Variants in ERO1A observed in about 807,000 individuals in gnomAD.
The protein encoded by ERO1A is endoplasmic reticulum oxidoreductase 1 alpha, also known as ERO1-like protein alpha.
Under a neutral mutation model 76.9 loss-of-function variants are expected in ERO1A, and 49 were observed. That is an observed-to-expected ratio of 0.64 (90% CI 0.51 to 0.81). The LOEUF is 0.81. ERO1A is among the 30% of genes least tolerant of loss of function. ERO1A has a pLI of 0.00. For missense variants in ERO1A, 448 were observed against 542.1 expected (o/e 0.83, Z 1.72); for synonymous variants, 174 against 181.2 (o/e 0.96, Z 0.32).
chr14:52,665,720 T>C (rs2040390936), intron 7 of ERO1A, among the ~76,000 whole-genome samples: 2 of 152,292 alleles, frequency 1.3e-5, no homozygotes, highest in African/African-American at 4.8e-5. Context: ...GATCAGCAAC[T>C]GCCTCCAGCC....
At chr14:52,663,661 G>T in intron 8 of ERO1A, 140 bp downstream of exon 8, 1 of 524,456 alleles carries the variant, frequency 1.9e-6, no homozygotes, top group Non-Finnish European at 3.5e-6. Context: ...ATCTCTGCAA[G>T]CGTGAGGCAT....
chr14:52,660,513 C>G (rs1429524616), intron 9 of ERO1A, among the ~76,000 whole-genome samples: 1 of 152,162 alleles, frequency 6.6e-6, no homozygotes, highest in African/African-American at 2.4e-5. Context: ...ATTTCTCTTC[C>G]AAACAGTTCT....
chr14:52,677,825 T>C (rs1259510177), intron 4 of ERO1A, among the ~76,000 whole-genome samples: 9 of 131,870 alleles, frequency 6.8e-5, no homozygotes, highest in Non-Finnish European at 1.1e-4. Flanking sequence ...ATCATGCCAC[T>C]GCACTCCAGC....
chr14:52,676,651 G>T (rs1486329887), intron 4 of ERO1A, among the ~76,000 whole-genome samples: 1 of 152,248 alleles, frequency 6.6e-6, no homozygotes, highest in South Asian at 2.1e-4. Context: ...AGAAGGATAC[G>T]TTCTTGTTGG....
chr14:52,639,918 A>T lies in ERO1A; in HGVS notation c.*3652T>A, dbSNP rs1401475135. 1 of 152,176 alleles carries T rather than the reference A, an allele frequency of 6.6e-6. No homozygotes were observed. Among genetic ancestry groups the T allele is most frequent in the Non-Finnish European group, 1.5e-5 (1 of 68,040 alleles). 9.4% of individuals were successfully genotyped at this position (152,176 alleles called of 1,614,324 possible). On this transcript the variant is annotated 3_prime_UTR_variant, in exon 16 of 16. Coordinates refer to ENST00000395686, the MANE Select transcript of ERO1A (RefSeq NM_014584.3). ...CCACCAAAAACCACACCAAATCTTG[A>T]ATACAATTTCAGCTTTATTGACCCC...
In ERO1A at chr14:52,695,472, C is replaced by G; in HGVS notation, c.10G>C (p.Gly4Arg). Residue 4 changes from glycine to arginine, a missense_variant, in exon 1 of 16, where the codon GGC (glycine) becomes CGC (arginine). Around this residue, in one of 2 missense-constraint regions of ERO1A, gnomAD observed 146 missense variants for 130.2 expected, o/e 1.12. Coordinates refer to ENST00000395686, the MANE Select transcript of ERO1A (RefSeq NM_014584.3). Reference protein sequence around the residue: MGRGWGFLFGLLGA... With the variant: MGRRWGFLFGLLGA... ...AGGAGGCCAAACAAGAATCCCCAGC[C>G]GCGGCCCATTGCAGCTCCGGCAGCT... The G allele has an allele frequency of 2.0e-6, 3 of 1,525,974 alleles. No homozygotes were observed. Among genetic ancestry groups the G allele is most frequent in the Non-Finnish European group, 2.6e-6 (3 of 1,134,840 alleles). The allele number at this position is 1,525,974 out of a possible 1,614,324, so 94.5% of individuals were successfully genotyped here. A position where few individuals can be genotyped will look rare whatever the true frequency, so the allele number is the denominator to read the frequency against.
rs1002141369 is a variant in ERO1A at position 52,643,033 on chromosome 14, T to C, written c.*537A>G. On this transcript the variant is annotated 3_prime_UTR_variant, in exon 16 of 16. Coordinates refer to ENST00000395686, the MANE Select transcript of ERO1A (RefSeq NM_014584.3). ...AACAAATAATTTTTTAGTATAAGTATTTTCCAAATATTCCATGTAAAATAT... is the reference window on the plus strand; with the variant it reads ...AACAAATAATTTTTTAGTATAAGTACTTTCCAAATATTCCATGTAAAATAT... 6.6e-6 allele frequency: 1 copy of C among 152,398 alleles called. No individual in the cohort carries two copies. The highest frequency in any genetic ancestry group is 2.4e-5 in the African/African-American group (1 of 41,458). 9.4% of individuals were successfully genotyped at this position (152,398 alleles called of 1,614,324 possible). A position where few individuals can be genotyped will look rare whatever the true frequency, so the allele number is the denominator to read the frequency against.
chr14:52,657,068 G>T (rs1372161729), intron 11 of ERO1A, among the ~76,000 whole-genome samples: 1 of 152,210 alleles, frequency 6.6e-6, no homozygotes, highest in Non-Finnish European at 1.5e-5. Flanking sequence ...CCACCAGGGT[G>T]CCATGTCAGT....
At chr14:52,648,092 TATTA>T (rs1303116104) in intron 13 of ERO1A, among the ~76,000 whole-genome samples, 6 of 152,208 alleles carry the variant, frequency 3.9e-5, no homozygotes, top group African/African-American at 7.2e-5. Flanking sequence ...GTAATATCTT[TATTA>T]ATTAAGACAA....
At chr14:52,652,191 AT>A in intron 13 of ERO1A, 47 bp downstream of exon 13, 1 of 1,136,372 alleles carries the variant, frequency 8.8e-7, no homozygotes, top group African/African-American at 1.5e-5. Context: ...TCATATCTGC[AT>A]AAGTGTTAAT....
intron 6 of ERO1A, among the ~76,000 whole-genome samples, chr14:52,670,926 GA>G (rs1179679929): frequency 2.0e-5 from 3 of 152,078 alleles, no homozygotes; most frequent in African/African-American, 4.8e-5. Flanking sequence ...ACAGTGTTGT[GA>G]AACCATCACC....
intron 9 of ERO1A, 52 bp downstream of exon 9, chr14:52,661,241 T>A (rs544682246): frequency 1.4e-6 from 1 of 718,374 alleles, no homozygotes; most frequent in South Asian, 3.2e-5. Context: ...ATAATAAACA[T>A]CTGAATGTAT....
intron 13 of ERO1A, among the ~76,000 whole-genome samples, chr14:52,647,611 A>G (rs2039716130): frequency 6.6e-6 from 1 of 152,040 alleles, no homozygotes; most frequent in Admixed American, 6.6e-5. Context: ...ATATTATATC[A>G]TTTATAATAG....
chr14:52,646,322 A>T (rs774192402), intron 14 of ERO1A, 35 bp from the exon 15 acceptor site: 32 of 1,599,978 alleles, frequency 2.0e-5, no homozygotes, highest in Non-Finnish European at 2.7e-5. Flanking sequence ...AAAAATTAGA[A>T]AATTATTCAT....
At chr14:52,656,222 T>C (rs2040039799) in intron 11 of ERO1A, among the ~76,000 whole-genome samples, 1 of 152,210 alleles carries the variant, frequency 6.6e-6, no homozygotes. Context: ...AATCCCTTTG[T>C]AAGTGAAATC....
At chr14:52,663,460 C>T (rs1566639298) in intron 8 of ERO1A, among the ~76,000 whole-genome samples, 1 of 151,744 alleles carries the variant, frequency 6.6e-6, no homozygotes. Flanking sequence ...ATTTGCTGGG[C>T]GTTGTGGCGG....
chr14:52,656,655 T>G lies in ERO1A; in HGVS notation c.808+1262A>C, dbSNP rs539393360. Among the ~76,000 whole-genome samples the G allele has an allele frequency of 2.1e-5, 3 of 143,768 alleles. No homozygotes were observed. The Admixed American group carries it at 2.2e-4, about 11-fold the overall frequency. The allele number at this position is 143,768 out of a possible 152,430, so 94.3% of individuals were successfully genotyped here. A position where few individuals can be genotyped will look rare whatever the true frequency, so the allele number is the denominator to read the frequency against. On this transcript the variant is annotated intron_variant, in intron 11 of 15. Transcript: ENST00000395686. ...TGAACCCAGGAGGCAGAGGTCACAG[T>G]GAGCCAAGATCACACCACTGCACTC...
chr14:52,661,358 T>C, intron 8 of ERO1A, 54 bp from the exon 9 acceptor site: 1 of 1,381,158 alleles, frequency 7.2e-7, no homozygotes, highest in Admixed American at 2.6e-5. Context: ...GTGCCCCTTT[T>C]ATAATGCTAC....
chr14:52,688,766 T>G (rs2041260849), intron 1 of ERO1A, among the ~76,000 whole-genome samples: 1 of 152,184 alleles, frequency 6.6e-6, no homozygotes, highest in Admixed American at 6.5e-5. Flanking sequence ...TTTGACCAAA[T>G]GCAAAAGGCA....
Sources: allele counts gnomAD v4.1 joint callset (sites outside exome capture counted in the v4.1 genomes callset), GRCh38; gene constraint gnomAD v4.1.1; regional missense constraint gnomAD v4.1.1; transcripts MANE v1.5; gene names NCBI Gene and HGNC (gene_info 2026-07-23, HGNC 2026-07-21).